ALDH3A2: variants seen among roughly 807,000 people sequenced by gnomAD.
ALDH3A2 encodes the protein aldehyde dehydrogenase 3 family member A2.
A neutral mutation model predicts 51.3 loss-of-function variants in ALDH3A2; 36 were observed. The observed-to-expected ratio is 0.70, with a 90% CI of 0.54 to 0.93. ALDH3A2 has a LOEUF of 0.93. ALDH3A2 is among the 40% of genes least tolerant of loss of function. The pLI is 0.00. For missense variants in ALDH3A2, 552 were observed against 603.1 expected, an observed-to-expected ratio of 0.92 and a Z score of 0.89; for synonymous variants, 199 against 219.8, an observed-to-expected ratio of 0.91 and a Z score of 0.84.
At chr17:19,672,251 G>A (rs2085127272) in intron 9 of ALDH3A2, 1 of 466,738 alleles carries the variant, frequency 2.1e-6, no homozygotes, top group African/African-American at 2.0e-5. Flanking sequence ...CTGATCTCTG[G>A]TCTAAGAGAT....
chr17:19,661,270 T>C lies in ALDH3A2; in HGVS notation c.940+2T>C. On this transcript the variant is annotated splice_donor_variant, in intron 6 of 9. Transcript: ENST00000176643. LOFTEE classifies it high-confidence loss of function. ...CTGATGAGGCCACACGCTACATAGG[T>C]AATGGAAATTCTCCTTTTCCTATGG... 6.2e-7 allele frequency: 1 copy of C among 1,614,142 alleles called. No individual in the cohort carries two copies. The highest frequency in any genetic ancestry group is 8.5e-7 in the Non-Finnish European group (1 of 1,180,004).
chr17:19,649,170 G>C, intron 1 of ALDH3A2, 46 bp downstream of exon 1: 1 of 1,536,772 alleles, frequency 6.5e-7, no homozygotes, highest in South Asian at 1.2e-5. Flanking sequence ...CCCCCGCCGC[G>C]CACTTGTGGA....
At chr17:19,656,860 G>A (rs749677449) in intron 4 of ALDH3A2, among the ~76,000 whole-genome samples, 5 of 152,110 alleles carry the variant, frequency 3.3e-5, no homozygotes, top group Non-Finnish European at 4.4e-5. Context: ...AAATTTTAAC[G>A]TTCTTCTGGC....
intron 4 of ALDH3A2, among the ~76,000 whole-genome samples, chr17:19,657,030 A>G (rs1876912263): frequency 6.6e-6 from 1 of 152,206 alleles, no homozygotes; most frequent in South Asian, 2.1e-4. Flanking sequence ...CTTGCATCTG[A>G]AAATTAGAAA....
chr17:19,648,714 G>T, upstream of ALDH3A2: 1 of 552,090 alleles, frequency 1.8e-6, no homozygotes, highest in East Asian at 3.1e-5. Context: ...CACGTGGGCC[G>T]CCCAGGCCAA....
At position 19,651,731 on chromosome 17, in the gene ALDH3A2, ACC is replaced by A; in HGVS notation, c.341_342del (p.Pro114LeufsTer24). 6.2e-7 allele frequency: 1 copy of A among 1,614,030 alleles called. No homozygotes were observed. Among genetic ancestry groups the A allele is most frequent in the Non-Finnish European group, 8.5e-7 (1 of 1,180,022 alleles). On this transcript the variant is annotated frameshift_variant, in exon 2 of 10. Transcript: ENST00000176643. LOFTEE classifies it high-confidence loss of function. ...GTGCTGATAATCGGAGCTTGGAATT[ACC>A]CCTTCGTTCTCACCATTCAGCCACT...
intron 8 of ALDH3A2, among the ~76,000 whole-genome samples, chr17:19,666,429 C>T (rs1008460953): frequency 3.9e-5 from 6 of 152,050 alleles, no homozygotes. Flanking sequence ...GGGTTCAGTC[C>T]CTGTCCTACT....
chr17:19,661,508 C>CT (rs200741895), intron 6 of ALDH3A2: 6,851 of 485,442 alleles, frequency 0.014, 112 homozygotes, highest in African/African-American at 0.051. Context: ...CACATAACTC[C>CT]TTTTTTCCTC....
At position 19,656,456 on chromosome 17, in the gene ALDH3A2, G is replaced by A. The variant is rs1340175229; in HGVS notation, c.562G>A (p.Ala188Thr). 5.6e-6 allele frequency: 9 copies of A among 1,614,188 alleles called. No homozygotes were observed. Among genetic ancestry groups the A allele is most frequent in the Non-Finnish European group, 7.6e-6 (9 of 1,180,038 alleles). Residue 188 changes from alanine (A) to threonine (T), a missense_variant, in exon 4 of 10, where the codon GCG (alanine) becomes ACG (threonine). Physicochemically the swap from Ala to Thr is moderately conservative, Grantham distance 58 (BLOSUM62 0). Coordinates refer to ENST00000176643, the MANE Select transcript of ALDH3A2 (RefSeq NM_000382.3). ...CCACATTTTCTATACGGGAAACACTGCGGTTGGCAAAATTGTCATGGAAGC... is the reference window on the plus strand; with the variant it reads ...CCACATTTTCTATACGGGAAACACTACGGTTGGCAAAATTGTCATGGAAGC... ...FDHIFYTGNT[A>T]VGKIVMEAAA...
intron 8 of ALDH3A2, among the ~76,000 whole-genome samples, chr17:19,666,350 C>T (rs2085037627): frequency 6.6e-6 from 1 of 152,156 alleles, no homozygotes; most frequent in Admixed American, 6.5e-5. Context: ...TGTGCTAGTG[C>T]AGTAATCAAC....
chr17:19,649,273 GT>G, intron 1 of ALDH3A2, 149 bp downstream of exon 1: 1 of 1,128,486 alleles, frequency 8.9e-7, no homozygotes. Context: ...TAAAGCCAAA[GT>G]TCCCGCAGAC....
At chr17:19,660,180 C>G in intron 5 of ALDH3A2, among the ~76,000 whole-genome samples, 1 of 152,120 alleles carries the variant, frequency 6.6e-6, no homozygotes, top group Admixed American at 6.5e-5. Flanking sequence ...ACTCTTAACA[C>G]AGTGGTTCTC....
intron 9 of ALDH3A2, chr17:19,674,151 A>C (rs1035540239): frequency 9.9e-5 from 15 of 152,200 alleles, no homozygotes; most frequent in African/African-American, 3.6e-4. Context: ...GTAGTATACA[A>C]TTTAGGGGCT....
At chr17:19,675,146 A>C (rs1161436534) in intron 9 of ALDH3A2, 1 of 174,512 alleles carries the variant, frequency 5.7e-6, no homozygotes, top group Non-Finnish European at 1.2e-5. Context: ...AATAGGAAGG[A>C]TTAAATTCAG....
intron 8 of ALDH3A2, among the ~76,000 whole-genome samples, chr17:19,665,465 G>A (rs2085024928): frequency 6.6e-6 from 1 of 151,872 alleles, no homozygotes; most frequent in East Asian, 1.9e-4. Flanking sequence ...GGGACAGAAG[G>A]TAGAGGGGTT....
In ALDH3A2 at chr17:19,675,333, T is replaced by C. The variant is rs80002713; in HGVS notation, c.1444-225T>C. ...TATAGCCTTCATTATCACGTTGTCT[T>C]ACTCTTATTGTTATTGTTGTTTTTT... On this transcript the variant is annotated intron_variant, in intron 9 of 9. Transcript: ENST00000176643. The C allele has an allele frequency of 0.014, 8,176 of 589,012 alleles. 122 individuals carry two copies. Among genetic ancestry groups the C allele is most frequent in the African/African-American group, 0.051 (2,728 of 53,734 alleles). 36.5% of individuals were successfully genotyped at this position (589,012 alleles called of 1,614,324 possible). A position where few individuals can be genotyped will look rare whatever the true frequency, so the allele number is the denominator to read the frequency against.
At chr17:19,666,396 C>T (rs767205736) in intron 8 of ALDH3A2, among the ~76,000 whole-genome samples, 3 of 152,192 alleles carry the variant, frequency 2.0e-5, no homozygotes, top group Non-Finnish European at 4.4e-5. Context: ...CCACTGCCCT[C>T]TAATTGCAAA....
chr17:19,653,207 G>A (rs1211670860), intron 3 of ALDH3A2, among the ~76,000 whole-genome samples: 2 of 151,800 alleles, frequency 1.3e-5, no homozygotes, highest in Non-Finnish European at 2.9e-5. Context: ...ACCATGCCCA[G>A]CTAGTTTTTG....
intron 4 of ALDH3A2, among the ~76,000 whole-genome samples, chr17:19,657,478 C>A (rs1309323101): frequency 6.6e-6 from 1 of 152,220 alleles, no homozygotes; most frequent in Non-Finnish European, 1.5e-5. Flanking sequence ...CTGCAGCAGG[C>A]AATGGCTTCA....
Sources: gnomAD v4.1 joint callset for allele counts (sites outside exome capture counted in the v4.1 genomes callset) on GRCh38, gnomAD v4.1.1 for gene constraint, MANE v1.5 for transcripts, NCBI Gene and HGNC (gene_info 2026-07-23, HGNC 2026-07-21) for gene names.